Variants in PPP2R3A observed in about 807,000 individuals in gnomAD.
PPP2R3A encodes protein phosphatase 2 regulatory subunit B''alpha.
PPP2R3A carries 80 observed loss-of-function variants against 106.9 expected under a neutral mutation model. The ratio of observed to expected loss-of-function variants is 0.75; its 90% CI spans 0.62 to 0.90. PPP2R3A has a LOEUF of 0.90. PPP2R3A is among the 40% of genes least tolerant of loss of function. PPP2R3A has a pLI of 0.00. For synonymous variants in PPP2R3A, 483 were observed against 468.3 expected (o/e 1.03, Z -0.41); for missense variants, 1,386 against 1,350.4 (o/e 1.03, Z -0.41).
intron 9 of PPP2R3A, among the ~76,000 whole-genome samples, chr3:136,089,924 A>G (rs1210815993): frequency 6.6e-6 from 1 of 152,154 alleles, no homozygotes; most frequent in African/African-American, 2.4e-5. Context: ...CTATTGGTGT[A>G]TTGAAATGTT....
chr3:136,112,457 A>G (rs1937607429), intron 13 of PPP2R3A, among the ~76,000 whole-genome samples: 1 of 152,210 alleles, frequency 6.6e-6, no homozygotes, highest in Admixed American at 6.5e-5. Flanking sequence ...ATACAAAATC[A>G]GTGTACAAAA....
At chr3:136,093,451 G>A (rs1017674847) in intron 10 of PPP2R3A, among the ~76,000 whole-genome samples, 1 of 152,078 alleles carries the variant, frequency 6.6e-6, no homozygotes, top group Non-Finnish European at 1.5e-5. Flanking sequence ...CAAAAGATAT[G>A]ATCAAGAAAG....
chr3:136,057,686 A>G (rs2400649), intron 5 of PPP2R3A, among the ~76,000 whole-genome samples: 1 of 152,050 alleles, frequency 6.6e-6, no homozygotes, highest in African/African-American at 2.4e-5. Flanking sequence ...CAATGGCCAA[A>G]AAGTATATGA....
intron 1 of PPP2R3A, among the ~76,000 whole-genome samples, chr3:135,975,425 G>A (rs1937391248): frequency 6.6e-6 from 1 of 152,270 alleles, no homozygotes; most frequent in Admixed American, 6.5e-5. Flanking sequence ...CTGGAATGGT[G>A]TCTGTTCTGA....
intron 1 of PPP2R3A, among the ~76,000 whole-genome samples, chr3:135,992,526 A>T (rs1933217879): frequency 6.6e-6 from 1 of 152,224 alleles, no homozygotes; most frequent in Non-Finnish European, 1.5e-5. Flanking sequence ...ATAAATAGCA[A>T]CATAGTATGT....
intron 9 of PPP2R3A, among the ~76,000 whole-genome samples, chr3:136,088,493 A>G (rs537974235): frequency 6.6e-6 from 1 of 152,282 alleles, no homozygotes; most frequent in South Asian, 2.1e-4. Flanking sequence ...TATCCAGTCT[A>G]CTGTTGGTAG....
chr3:136,099,947 A>G (rs1422329782), intron 10 of PPP2R3A, among the ~76,000 whole-genome samples: 1 of 151,704 alleles, frequency 6.6e-6, no homozygotes, highest in Non-Finnish European at 1.5e-5. Context: ...AAGGAGGGAA[A>G]GGGCAGGGAA....
intron 8 of PPP2R3A, among the ~76,000 whole-genome samples, chr3:136,084,524 C>T (rs974965329): frequency 1.1e-4 from 17 of 152,242 alleles, no homozygotes; most frequent in Non-Finnish European, 2.1e-4. Flanking sequence ...GAAGCCCCCA[C>T]AGAGTCCCTA....
intron 1 of PPP2R3A, among the ~76,000 whole-genome samples, chr3:135,971,519 T>C (rs1937246408): frequency 1.3e-5 from 2 of 152,194 alleles, no homozygotes; most frequent in South Asian, 2.1e-4. Context: ...GGGTGGAAAA[T>C]GCCAAGAATT....
intron 13 of PPP2R3A, among the ~76,000 whole-genome samples, chr3:136,115,500 T>TA (rs1377667234): frequency 1.3e-5 from 2 of 151,524 alleles, no homozygotes; most frequent in South Asian, 2.1e-4. Flanking sequence ...TAAGAACCTT[T>TA]AAAAAAGGGT....
chr3:136,047,321 T>C (rs1399504399), intron 4 of PPP2R3A, among the ~76,000 whole-genome samples: 3 of 152,236 alleles, frequency 2.0e-5, no homozygotes, highest in African/African-American at 7.2e-5. Context: ...TAAGTCATTC[T>C]GCCAAAAAGA....
chr3:136,073,031 G>A (rs761372102), intron 6 of PPP2R3A, among the ~76,000 whole-genome samples: 7 of 151,984 alleles, frequency 4.6e-5, no homozygotes, highest in East Asian at 1.9e-4. Flanking sequence ...GCAGTGGCAC[G>A]GTCTCGGCTC....
intron 4 of PPP2R3A, among the ~76,000 whole-genome samples, chr3:136,047,399 C>CAA (rs1935507841): frequency 6.6e-6 from 1 of 152,156 alleles, no homozygotes; most frequent in Non-Finnish European, 1.5e-5. Flanking sequence ...ACATACATGC[C>CAA]CATCAATGGT....
rs183112524 is a variant in PPP2R3A at position 136,029,487 on chromosome 3, G to C, written c.2262+2389G>C. ...AGCCTAAAGACTCCACAGTGCTCAA[G>C]GGAGGTGTCAAAAAGAATATAGTCA... On this transcript the variant is annotated intron_variant, in intron 3 of 13. Coordinates refer to ENST00000264977, the MANE Select transcript of PPP2R3A (RefSeq NM_002718.5). Among the ~76,000 whole-genome samples the C allele has an allele frequency of 8.3e-4, 127 of 152,290 alleles. No individual in the cohort carries two copies. In the East Asian group the frequency reaches 0.018, roughly 22 times the overall value.
chr3:136,087,829 T>A, intron 8 of PPP2R3A, 54 bp from the exon 9 acceptor site: 2 of 1,445,234 alleles, frequency 1.4e-6, no homozygotes, highest in Non-Finnish European at 1.9e-6. Context: ...AAGTATTGCC[T>A]TTATGGAGCA....
intron 5 of PPP2R3A, among the ~76,000 whole-genome samples, chr3:136,056,737 A>C (rs1935875332): frequency 6.6e-6 from 1 of 152,152 alleles, no homozygotes; most frequent in African/African-American, 2.4e-5. Flanking sequence ...GAATTGCATC[A>C]AAGTAAAAAA....
chr3:135,996,967 C>T lies in PPP2R3A; in HGVS notation c.-440-4092C>T, dbSNP rs138611668. On this transcript the variant is annotated intron_variant, in intron 1 of 13. Transcript: ENST00000264977. ...TATAAACTGGTTTCTTTCCCCCTGC[C>T]TCACTAGGAAAGGTATCCACCTTCC... 3.5e-3 allele frequency among the ~76,000 whole-genome samples: 526 copies of T among 152,274 alleles called. 4 individuals are homozygous for T. The highest frequency in any genetic ancestry group is 0.012 in the African/African-American group (488 of 41,550).
In PPP2R3A at chr3:136,002,126, T is replaced by A. The variant is rs1474176474; in HGVS notation, c.628T>A (p.Leu210Met). ...TCTTCAAAACTTTTCTGAAGAAGAC[T>A]TGGTTACTCAGATTTTGGAAAAACA... The part of the protein sequence containing the change: ...MFLQNFSEED[L>M]VTQILEKHKI... The change falls in exon 2 of 14, where the codon TTG becomes ATG. Residue 210 changes from leucine to methionine, a missense_variant. Physicochemically the swap from Leu to Met is conservative, Grantham distance 15 (BLOSUM62 2). Coordinates refer to ENST00000264977, the MANE Select transcript of PPP2R3A (RefSeq NM_002718.5). The A allele has an allele frequency of 6.2e-7, 1 of 1,614,124 alleles. No homozygotes were observed. The highest frequency in any genetic ancestry group is 2.2e-5 in the East Asian group (1 of 44,880).
intron 1 of PPP2R3A, among the ~76,000 whole-genome samples, chr3:135,988,716 G>C (rs987586566): frequency 3.3e-5 from 5 of 152,078 alleles, no homozygotes; most frequent in Non-Finnish European, 7.4e-5. Context: ...CACCAGTCCA[G>C]TTGTCTTATA....
Sources: gnomAD v4.1 joint callset for allele counts (sites outside exome capture counted in the v4.1 genomes callset) on GRCh38, gnomAD v4.1.1 for gene constraint, MANE v1.5 for transcripts, NCBI Gene and HGNC (gene_info 2026-07-23, HGNC 2026-07-21) for gene names.